FRMD4B: variants seen among roughly 807,000 people sequenced by gnomAD.
FRMD4B encodes FERM domain containing 4B, also known as FERM domain-containing protein 4B.
A neutral mutation model predicts 141.5 loss-of-function variants in FRMD4B; 74 were observed. That is an observed-to-expected ratio of 0.52 (90% CI 0.43 to 0.63). The LOEUF (loss-of-function observed/expected upper bound fraction) is 0.63. Among genes scored for constraint, FRMD4B ranks in the 30% least tolerant of loss-of-function variants. FRMD4B has a pLI of 0.00. For synonymous variants in FRMD4B, 506 were observed against 467.9 expected, an observed-to-expected ratio of 1.08 and a Z score of -1.05; for missense variants, 1,366 against 1,253.4, an observed-to-expected ratio of 1.09 and a Z score of -1.36.
intron 7 of FRMD4B, 98 bp from the exon 8 acceptor site, chr3:69,224,788 C>T: frequency 2.9e-6 from 2 of 692,018 alleles, no homozygotes; most frequent in African/African-American, 1.8e-5. Flanking sequence ...TAACTATTTA[C>T]AGCATGTTGG....
At chr3:69,323,600 C>T (rs1484733026) in intron 1 of FRMD4B, among the ~76,000 whole-genome samples, 1 of 123,410 alleles carries the variant, frequency 8.1e-6, no homozygotes, top group African/African-American at 3.1e-5. Flanking sequence ...CTCTCTCTCT[C>T]TCTCTGTGTA....
chr3:69,537,710 T>G (rs188664619), intron 1 of FRMD4B, among the ~76,000 whole-genome samples: 470 of 152,274 alleles, frequency 3.1e-3, no homozygotes, highest in Non-Finnish European at 5.3e-3. Flanking sequence ...ACAGCTAAGG[T>G]TTTCCTTATA....
intron 4 of FRMD4B, among the ~76,000 whole-genome samples, chr3:69,291,557 AT>A (rs1170872292): frequency 1.3e-5 from 2 of 152,124 alleles, no homozygotes; most frequent in African/African-American, 4.8e-5. Flanking sequence ...ACTGGGACAC[AT>A]TTTTTCTGCT....
chr3:69,246,231 A>G (rs923410644), intron 7 of FRMD4B, among the ~76,000 whole-genome samples: 40 of 152,292 alleles, frequency 2.6e-4, no homozygotes, highest in African/African-American at 9.4e-4. Flanking sequence ...CAACATAGGC[A>G]GATCAGCTGG....
At chr3:69,442,573 G>T (rs1475758442) in intron 1 of FRMD4B, among the ~76,000 whole-genome samples, 1 of 151,944 alleles carries the variant, frequency 6.6e-6, no homozygotes, top group Non-Finnish European at 1.5e-5. Context: ...ACTCATAAGT[G>T]AGTATTTATG....
intron 7 of FRMD4B, among the ~76,000 whole-genome samples, chr3:69,237,232 C>T (rs1325347771): frequency 2.0e-5 from 3 of 152,164 alleles, no homozygotes; most frequent in East Asian, 1.9e-4. Context: ...AGGGAGGGGC[C>T]GGGAAAGGAA....
At chr3:69,504,597 A>G (rs909811937) in intron 1 of FRMD4B, among the ~76,000 whole-genome samples, 2 of 152,184 alleles carry the variant, frequency 1.3e-5, no homozygotes, top group African/African-American at 2.4e-5. Flanking sequence ...GGCCTCTTTC[A>G]GTTAATGTTT....
intron 2 of FRMD4B, among the ~76,000 whole-genome samples, chr3:69,423,863 T>C (rs929745497): frequency 6.6e-6 from 1 of 152,202 alleles, no homozygotes; most frequent in African/African-American, 2.4e-5. Flanking sequence ...TGACACTGAA[T>C]GGCCTGGTGT....
At chr3:69,372,183 T>C (rs1703843761) in intron 1 of FRMD4B, among the ~76,000 whole-genome samples, 1 of 152,178 alleles carries the variant, frequency 6.6e-6, no homozygotes, top group African/African-American at 2.4e-5. Flanking sequence ...TTCTCATCCT[T>C]TGAGTCTTGA....
intron 1 of FRMD4B, among the ~76,000 whole-genome samples, chr3:69,484,088 A>C (rs1392640181): frequency 6.6e-6 from 1 of 152,248 alleles, no homozygotes; most frequent in African/African-American, 2.4e-5. Context: ...AGGTCTTTAA[A>C]AAATTACCTC....
rs2092580661 is a variant in FRMD4B at position 69,170,952 on chromosome 3, T to G, written c.*909A>C. The G allele has an allele frequency of 6.6e-6, 1 of 152,196 alleles. No individual in the cohort carries two copies. Among genetic ancestry groups the G allele is most frequent in the Non-Finnish European group, 1.5e-5 (1 of 68,036 alleles). The allele number at this position is 152,196 out of a possible 1,614,324, so 9.4% of individuals were successfully genotyped here. On this transcript the variant is annotated 3_prime_UTR_variant, in exon 23 of 23. Coordinates refer to ENST00000398540, the MANE Select transcript of FRMD4B (RefSeq NM_015123.3). ...ACGTGGCTTTTTTTTTCTGTTGTTTTGGATACTTTCTGTATCATCTTAAAA... is the reference window on the plus strand; with the variant it reads ...ACGTGGCTTTTTTTTTCTGTTGTTTGGGATACTTTCTGTATCATCTTAAAA...
chr3:69,441,115 C>A (rs1005837850), intron 1 of FRMD4B, among the ~76,000 whole-genome samples: 2 of 152,146 alleles, frequency 1.3e-5, no homozygotes, highest in African/African-American at 4.8e-5. Context: ...GAATGTAGCT[C>A]CCCTGAGGCT....
At chr3:69,206,249 C>G (rs563103080) in intron 11 of FRMD4B, among the ~76,000 whole-genome samples, 1 of 152,210 alleles carries the variant, frequency 6.6e-6, no homozygotes, top group Admixed American at 6.5e-5. Context: ...ACTCGGGAGG[C>G]TGAGGCAGGA....
intron 6 of FRMD4B, among the ~76,000 whole-genome samples, chr3:69,249,532 C>G (rs1010780952): frequency 6.6e-6 from 1 of 152,306 alleles, no homozygotes; most frequent in East Asian, 1.9e-4. Flanking sequence ...ATGATAAATG[C>G]TTTTCATTCA....
rs767919144 is a variant in FRMD4B at position 69,216,250 on chromosome 3, G to A, written c.876+13C>T. 1.5e-6 allele frequency: 2 copies of A among 1,350,414 alleles called. No individual in the cohort carries two copies. Among genetic ancestry groups the A allele is most frequent in the South Asian group, 1.2e-5 (1 of 80,986 alleles). The allele number at this position is 1,350,414 out of a possible 1,614,324, so 83.7% of individuals were successfully genotyped here. A position where few individuals can be genotyped will look rare whatever the true frequency, so the allele number is the denominator to read the frequency against. On this transcript the variant is annotated intron_variant, in intron 11 of 22. Coordinates refer to ENST00000398540, the MANE Select transcript of FRMD4B (RefSeq NM_015123.3). The stretch of plus-strand genomic sequence containing the variant: ...GAACAGTTCAAAGTTCTCCTAAAGT[G>A]ATCCACACTTACCTTCCGAGGCTTC...
chr3:69,350,139 C>A (rs1703087349), intron 1 of FRMD4B, among the ~76,000 whole-genome samples: 3 of 152,080 alleles, frequency 2.0e-5, no homozygotes, highest in Admixed American at 6.6e-5. Context: ...AAAAAACAAA[C>A]AACCCCATGA....
At chr3:69,493,153 C>T (rs563117974) in intron 1 of FRMD4B, among the ~76,000 whole-genome samples, 1 of 152,316 alleles carries the variant, frequency 6.6e-6, no homozygotes, top group East Asian at 1.9e-4. Flanking sequence ...TGACTTTTAG[C>T]TTAATTTCCA....
intron 5 of FRMD4B, among the ~76,000 whole-genome samples, chr3:69,260,307 G>A (rs943898900): frequency 6.6e-6 from 1 of 152,210 alleles, no homozygotes. Context: ...CACCGTGTTC[G>A]CGAGTTGGCG....
chr3:69,455,967 G>A (rs1705601083), intron 1 of FRMD4B, among the ~76,000 whole-genome samples: 2 of 152,080 alleles, frequency 1.3e-5, no homozygotes, highest in South Asian at 2.1e-4. Flanking sequence ...AGAACCACTT[G>A]CCATCAGTTC....
Sources: gnomAD v4.1 joint callset for allele counts (sites outside exome capture counted in the v4.1 genomes callset) on GRCh38, gnomAD v4.1.1 for gene constraint, MANE v1.5 for transcripts, NCBI Gene and HGNC (gene_info 2026-07-23, HGNC 2026-07-21) for gene names.